Variants in ARHGAP32 observed in about 807,000 individuals in gnomAD.
ARHGAP32 encodes Rho GTPase activating protein 32.
ARHGAP32 carries 51 observed loss-of-function variants against 186.5 expected under a neutral mutation model. The observed-to-expected ratio is 0.27, with a 90% CI of 0.22 to 0.35. ARHGAP32 has a LOEUF of 0.35. ARHGAP32 is among the 10% of genes least tolerant of loss of function. ARHGAP32 has a pLI of 1.00. For missense variants in ARHGAP32, 2,186 were observed against 2,623.5 expected (o/e 0.83, Z 3.64); for synonymous variants, 950 against 964.3 (o/e 0.99, Z 0.27).
intron 11 of ARHGAP32, among the ~76,000 whole-genome samples, chr11:129,000,631 T>C (rs985870241): frequency 3.3e-5 from 5 of 152,174 alleles, no homozygotes; most frequent in African/African-American, 1.2e-4. Context: ...AGTCCAATTA[T>C]AGTATTTTAG....
intron 1 of ARHGAP32, among the ~76,000 whole-genome samples, chr11:129,227,512 A>T (rs899061333): frequency 6.6e-6 from 1 of 151,940 alleles, no homozygotes; most frequent in African/African-American, 2.4e-5. Context: ...ATCCAAATAT[A>T]TGCTTTCTAC....
rs760333990 is a variant in ARHGAP32 at position 128,986,710 on chromosome 11, G to A, written c.1299-42C>T. ...AGGACAAGCAAATCATTTGATTGAG[G>A]AGAGCAAATATGTGTCTTAAAAACA... On this transcript the variant is annotated intron_variant, in intron 13 of 22. Transcript: ENST00000682385. The A allele has an allele frequency of 6.2e-6, 10 of 1,601,794 alleles. No individual in the cohort carries two copies. In the Admixed American group the frequency reaches 1.3e-4, roughly 22 times the overall value.
At chr11:129,039,714 T>C (rs1939509563) in intron 11 of ARHGAP32, among the ~76,000 whole-genome samples, 1 of 152,218 alleles carries the variant, frequency 6.6e-6, no homozygotes. Flanking sequence ...AATTTTATCT[T>C]AATAAAGCTG....
chr11:129,004,039 C>T (rs933464978), intron 11 of ARHGAP32, among the ~76,000 whole-genome samples: 9 of 151,620 alleles, frequency 5.9e-5, no homozygotes, highest in Admixed American at 1.3e-4. Context: ...TTATTGTATC[C>T]CATAGGTTTT....
intron 1 of ARHGAP32, among the ~76,000 whole-genome samples, chr11:129,167,011 C>G (rs1943654448): frequency 6.6e-6 from 1 of 151,828 alleles, no homozygotes; most frequent in Non-Finnish European, 1.5e-5. Flanking sequence ...GTTGCAGTCT[C>G]TATAGTGAAC....
chr11:129,058,987 G>A (rs1329827783), intron 10 of ARHGAP32, among the ~76,000 whole-genome samples: 2 of 152,116 alleles, frequency 1.3e-5, no homozygotes, highest in Non-Finnish European at 1.5e-5. Flanking sequence ...AACATAACAC[G>A]CAGTAACAGC....
chr11:129,206,537 G>A (rs1363751072), intron 1 of ARHGAP32, among the ~76,000 whole-genome samples: 1 of 151,972 alleles, frequency 6.6e-6, no homozygotes, highest in African/African-American at 2.4e-5. Context: ...TTTTTAAATA[G>A]CTCATTCATT....
At chr11:129,069,640 T>C (rs2135170126) in intron 6 of ARHGAP32, among the ~76,000 whole-genome samples, 1 of 152,168 alleles carries the variant, frequency 6.6e-6, no homozygotes, top group South Asian at 2.1e-4. Context: ...GAGAATAAAA[T>C]CTCAAATTCA....
intron 11 of ARHGAP32, among the ~76,000 whole-genome samples, chr11:129,027,213 C>T (rs987690501): frequency 6.6e-6 from 1 of 152,096 alleles, no homozygotes; most frequent in East Asian, 1.9e-4. Context: ...TCATCACTTA[C>T]ACAGCTACCA....
chr11:129,235,102 G>A (rs1161436862), intron 1 of ARHGAP32, among the ~76,000 whole-genome samples: 1 of 152,128 alleles, frequency 6.6e-6, no homozygotes, highest in Non-Finnish European at 1.5e-5. Context: ...GACAGAAGAG[G>A]CACAAATACA....
Position 129,242,011 on chromosome 11 carries a change from A to T in ARHGAP32, c.-5+37135T>A, listed in dbSNP as rs191713599. Among the ~76,000 whole-genome samples the T allele has an allele frequency of 4.4e-4, 67 of 152,326 alleles. No individual in the cohort carries two copies. The East Asian group carries it at 0.01, about 24-fold the overall frequency. On this transcript the variant is annotated intron_variant, in intron 1 of 6. Coordinates refer to the ARHGAP32 transcript ENST00000525234. ...GAGTAGAAATGGGAGGCAAGCTGGG[A>T]TAGGGTCAGGAGACTGTTGCTTTTC...
At chr11:129,003,262 T>A (rs554000739) in intron 11 of ARHGAP32, among the ~76,000 whole-genome samples, 17 of 152,318 alleles carry the variant, frequency 1.1e-4, no homozygotes, top group African/African-American at 3.8e-4. Flanking sequence ...TGAATGACCT[T>A]GTTAATGTGT....
In ARHGAP32 at chr11:128,986,656, G is replaced by A. The variant is rs1456683649; in HGVS notation, c.1311C>T (p.Asp437=). ...TCGTCAGGTCGGGGACGTGCTCAGAGTCAAATTCATGGCTGACGTAGACAG... is the reference window on the plus strand; with the variant it reads ...TCGTCAGGTCGGGGACGTGCTCAGAATCAAATTCATGGCTGACGTAGACAG... ...SNIQRLRHEF[D]SEHVPDLTKE... is the part of the protein sequence containing the mutation. Residue 437 remains aspartate, a synonymous_variant, in exon 14 of 23, where the codon GAC becomes GAT. Transcript: ENST00000682385. The A allele has an allele frequency of 1.9e-6, 3 of 1,613,950 alleles. No individual in the cohort carries two copies. The highest frequency in any genetic ancestry group is 1.7e-6 in the Non-Finnish European group (2 of 1,179,870).
chr11:129,018,319 C>T (rs1938448410), intron 11 of ARHGAP32, among the ~76,000 whole-genome samples: 1 of 151,994 alleles, frequency 6.6e-6, no homozygotes, highest in Non-Finnish European at 1.5e-5. Flanking sequence ...AAGACAAACA[C>T]AGAAGAACTG....
rs558358440 is a variant in ARHGAP32 at position 129,009,301 on chromosome 11, T to A, written c.1046-10833A>T. On this transcript the variant is annotated intron_variant, in intron 11 of 22. Coordinates refer to ENST00000682385, the MANE Select transcript of ARHGAP32 (RefSeq NM_001378024.1). ...ACCTTGCTTCAATTATGCCCTTAAC[T>A]GGTAATTACTAGTATGCTGGAAAAC... Among the ~76,000 whole-genome samples, 574 of 152,322 alleles carry A rather than the reference T, an allele frequency of 3.8e-3. 2 individuals carry two copies. The highest frequency in any genetic ancestry group is 0.013 in the African/African-American group (549 of 41,572).
intron 6 of ARHGAP32, among the ~76,000 whole-genome samples, chr11:129,090,009 A>G (rs1941527761): frequency 6.6e-6 from 1 of 152,216 alleles, no homozygotes; most frequent in South Asian, 2.1e-4. Context: ...GCCTGGCCCT[A>G]TCCTAAATAC....
chr11:129,021,874 G>A (rs1189522782), intron 11 of ARHGAP32, among the ~76,000 whole-genome samples: 1 of 151,922 alleles, frequency 6.6e-6, no homozygotes, highest in East Asian at 1.9e-4. Context: ...AACAGAAAAG[G>A]AAGATTTGCA....
At chr11:129,264,617 C>T (rs1945369605) in intron 1 of ARHGAP32, among the ~76,000 whole-genome samples, 1 of 152,110 alleles carries the variant, frequency 6.6e-6, no homozygotes, top group Non-Finnish European at 1.5e-5. Flanking sequence ...AAAGGCTCTC[C>T]TTGAAGCTCA....
chr11:128,979,686 G>T (rs1247859655), intron 18 of ARHGAP32, among the ~76,000 whole-genome samples: 2 of 152,202 alleles, frequency 1.3e-5, no homozygotes, highest in African/African-American at 4.8e-5. Context: ...GTCACAGGAA[G>T]TGAAAGGAAG....
Sources: allele counts gnomAD v4.1 joint callset (sites outside exome capture counted in the v4.1 genomes callset), GRCh38; gene constraint gnomAD v4.1.1; transcripts MANE v1.5; gene names NCBI Gene and HGNC (gene_info 2026-07-23, HGNC 2026-07-21).